FIP1L1: variants seen among roughly 807,000 people sequenced by gnomAD.
FIP1L1 encodes the protein pre-mRNA 3'-end-processing factor FIP1.
Under a neutral mutation model 84.6 loss-of-function variants are expected in FIP1L1, and 21 were observed. That is an observed-to-expected ratio of 0.25 (90% CI 0.18 to 0.36). The LOEUF (loss-of-function observed/expected upper bound fraction) is 0.36, where lower values mean the gene tolerates loss of function less well. FIP1L1 is among the 10% of genes least tolerant of loss of function. FIP1L1 has a pLI of 1.00. For synonymous variants in FIP1L1, 263 were observed against 242.3 expected (o/e 1.09, Z -0.80); for missense variants, 526 against 751.1 (o/e 0.70, Z 3.50).
intron 10 of FIP1L1, among the ~76,000 whole-genome samples, chr4:53,404,877 T>C (rs1298583350): frequency 6.6e-6 from 1 of 151,746 alleles, no homozygotes. Context: ...CTTGTAAATT[T>C]GTTTGAGTTC....
intron 6 of FIP1L1, among the ~76,000 whole-genome samples, chr4:53,390,231 C>T (rs1320252788): frequency 6.6e-6 from 1 of 152,104 alleles, no homozygotes; most frequent in Non-Finnish European, 1.5e-5. Flanking sequence ...TGAGCCACTG[C>T]GCCCGGCCAA....
chr4:53,451,958 A>G (rs1716294725), intron 15 of FIP1L1, among the ~76,000 whole-genome samples: 1 of 150,090 alleles, frequency 6.7e-6, no homozygotes, highest in Non-Finnish European at 1.5e-5. Flanking sequence ...ATCTCGGCTC[A>G]CTGCAAGCTC....
At chr4:53,388,902 T>G (rs766275803) in intron 5 of FIP1L1, among the ~76,000 whole-genome samples, 1 of 152,246 alleles carries the variant, frequency 6.6e-6, no homozygotes, top group Non-Finnish European at 1.5e-5. Flanking sequence ...TGGCCAAGAT[T>G]ACACAACTAG....
chr4:53,414,581 T>C (rs1355058307), intron 10 of FIP1L1, 34 bp from the exon 11 acceptor site: 1 of 1,472,444 alleles, frequency 6.8e-7, no homozygotes, highest in Non-Finnish European at 9.4e-7. Flanking sequence ...GACAACAATA[T>C]GTAAGAAAAA....
At chr4:53,410,099 T>A (rs1466779707) in intron 10 of FIP1L1, among the ~76,000 whole-genome samples, 1 of 152,216 alleles carries the variant, frequency 6.6e-6, no homozygotes, top group Non-Finnish European at 1.5e-5. Context: ...CGCTGGGAGC[T>A]GTAGACCGGA....
At chr4:53,380,587 A>AG (rs1345223105) in intron 3 of FIP1L1, among the ~76,000 whole-genome samples, 1 of 152,192 alleles carries the variant, frequency 6.6e-6, no homozygotes, top group African/African-American at 2.4e-5. Flanking sequence ...AAATGGATAG[A>AG]GGGAAAAAGT....
intron 3 of FIP1L1, among the ~76,000 whole-genome samples, chr4:53,382,010 C>T (rs1738339374): frequency 6.6e-6 from 1 of 151,308 alleles, no homozygotes; most frequent in East Asian, 1.9e-4. Flanking sequence ...ACCTCGTGAT[C>T]CACCCACCTC....
chr4:53,437,788 C>T (rs553082449), intron 13 of FIP1L1, among the ~76,000 whole-genome samples: 18 of 151,880 alleles, frequency 1.2e-4, no homozygotes, highest in South Asian at 1.0e-3. Flanking sequence ...TGCAGTGGCG[C>T]GACCTCGGCT....
intron 5 of FIP1L1, among the ~76,000 whole-genome samples, chr4:53,388,986 A>G (rs1742676755): frequency 6.6e-6 from 1 of 152,094 alleles, no homozygotes; most frequent in Non-Finnish European, 1.5e-5. Context: ...GTATTATATT[A>G]CATCTAAAAA....
Position 53,416,392 on chromosome 4 carries a change from AG to A in FIP1L1, c.923+1672del, listed in dbSNP as rs1393152085. Among the ~76,000 whole-genome samples, 56 of 152,238 alleles carry A rather than the reference AG, an allele frequency of 3.7e-4. 1 individual carries two copies. Among genetic ancestry groups the A allele is most frequent in the Admixed American group, 3.7e-3 (56 of 15,282 alleles). On this transcript the variant is annotated intron_variant, in intron 11 of 17. Coordinates refer to ENST00000337488, the MANE Select transcript of FIP1L1 (RefSeq NM_030917.4). ...TGTCAGTAACTACCTGTGTGAATTAAGGAAAGTTTCCTAACATGCCTATGCC... is the reference window on the plus strand; with the variant it reads ...TGTCAGTAACTACCTGTGTGAATTAAGAAAGTTTCCTAACATGCCTATGCC...
Position 53,377,742 on chromosome 4 carries a change from C to G in FIP1L1, c.-97C>G. On this transcript the variant is annotated 5_prime_UTR_variant, in exon 1 of 18. Coordinates refer to ENST00000337488, the MANE Select transcript of FIP1L1 (RefSeq NM_030917.4). ...CGAGCTTTCTTCGTTCGTTCGTCGGCGGGTTCGCGCCCTTCTCGCGCCTCG... is the reference window on the plus strand; with the variant it reads ...CGAGCTTTCTTCGTTCGTTCGTCGGGGGGTTCGCGCCCTTCTCGCGCCTCG... 8.7e-7 allele frequency: 1 copy of G among 1,151,336 alleles called. No homozygotes were observed. 71.3% of individuals were successfully genotyped at this position (1,151,336 alleles called of 1,614,324 possible).
chr4:53,448,845 TTC>T (rs1477426772), intron 15 of FIP1L1, among the ~76,000 whole-genome samples: 1 of 152,170 alleles, frequency 6.6e-6, no homozygotes, highest in Non-Finnish European at 1.5e-5. Flanking sequence ...CTCCATACAC[TTC>T]TTGAATGTCT....
chr4:53,391,507 T>G lies in FIP1L1; in HGVS notation c.705+9T>G. 1 of 1,599,900 alleles carries G rather than the reference T, an allele frequency of 6.3e-7. No homozygotes were observed. Among genetic ancestry groups the G allele is most frequent in the Non-Finnish European group, 8.6e-7 (1 of 1,167,378 alleles). ...GATTCAATCTTTTTAAGGTGAATTT[T>G]AGTAAATTATCCTTGGTTGCTCTCA... On this transcript the variant is annotated intron_variant, in intron 9 of 17. Coordinates refer to ENST00000337488, the MANE Select transcript of FIP1L1 (RefSeq NM_030917.4).
chr4:53,395,417 C>T (rs867507030), intron 9 of FIP1L1, among the ~76,000 whole-genome samples: 5 of 152,164 alleles, frequency 3.3e-5, no homozygotes, highest in South Asian at 4.2e-4. Flanking sequence ...CAATCCTTCC[C>T]GGTTCCTCCT....
At chr4:53,407,416 A>T (rs1201255520) in intron 10 of FIP1L1, among the ~76,000 whole-genome samples, 1 of 151,868 alleles carries the variant, frequency 6.6e-6, no homozygotes, top group African/African-American at 2.4e-5. Flanking sequence ...TACTGAGGAG[A>T]GCTTTACTTC....
chr4:53,442,508 C>A, intron 13 of FIP1L1, 145 bp from the exon 14 acceptor site: 1 of 594,112 alleles, frequency 1.7e-6, no homozygotes. Context: ...TAAGTTTGAG[C>A]TCCATTTTTT....
rs1419478591 is a variant in FIP1L1 at position 53,428,215 on chromosome 4, A to G, written c.1174+32A>G. The G allele has an allele frequency of 3.3e-6, 5 of 1,499,498 alleles. No homozygotes were observed. In the South Asian group the frequency reaches 7.1e-5, roughly 21 times the overall value. 92.9% of individuals were successfully genotyped at this position (1,499,498 alleles called of 1,614,324 possible). A position where few individuals can be genotyped will look rare whatever the true frequency, so the allele number is the denominator to read the frequency against. On this transcript the variant is annotated intron_variant, in intron 13 of 17. Coordinates refer to ENST00000337488, the MANE Select transcript of FIP1L1 (RefSeq NM_030917.4). ...AGTAAATAAGACATTTGACTTTGAA[A>G]GAAAAATAGCTTGCGAGTGTTTTTT... is the stretch of plus-strand genomic sequence containing the variant.
chr4:53,417,736 TAA>T, intron 11 of FIP1L1, among the ~76,000 whole-genome samples: 2 of 116,526 alleles, frequency 1.7e-5, no homozygotes, highest in Admixed American at 8.4e-5. Context: ...TTTCTCTTTT[TAA>T]ACACACACAC....
At position 53,388,976 on chromosome 4, in the gene FIP1L1, GTATTA is replaced by G. The variant is rs138173136; in HGVS notation, c.333-827_333-823del. On this transcript the variant is annotated intron_variant, in intron 5 of 17. Transcript: ENST00000337488. ...CAGATATTTTTTTCTTTATCACTGT[GTATTA>G]TATTACATCTAAAAAGGTGCAGCTT... Among the ~76,000 whole-genome samples, 1,343 of 152,174 alleles carry G rather than the reference GTATTA, an allele frequency of 8.8e-3. 22 individuals are homozygous for G. Among genetic ancestry groups the G allele is most frequent in the African/African-American group, 0.03 (1,266 of 41,510 alleles).
Sources: gnomAD v4.1 joint callset for allele counts (sites outside exome capture counted in the v4.1 genomes callset) on GRCh38, gnomAD v4.1.1 for gene constraint, MANE v1.5 for transcripts, NCBI Gene and HGNC (gene_info 2026-07-23, HGNC 2026-07-21) for gene names.